TYRO3: variants seen among roughly 807,000 people sequenced by gnomAD.
The protein encoded by TYRO3 is tyrosine-protein kinase receptor TYRO3.
TYRO3 carries 38 observed loss-of-function variants against 95.2 expected under a neutral mutation model. The observed-to-expected ratio is 0.40, with a 90% CI of 0.31 to 0.52. TYRO3 has a LOEUF of 0.52. Ranked by LOEUF, TYRO3 falls within the 20% of genes least tolerant of loss-of-function variation. The pLI is 0.56. For synonymous variants in TYRO3, 367 were observed against 432.9 expected (o/e 0.85, Z 1.89); for missense variants, 812 against 1,116.4 (o/e 0.73, Z 3.89).
chr15:41,562,363 G>T, intron 3 of TYRO3, 185 bp from the exon 4 acceptor site: 2 of 417,872 alleles, frequency 4.8e-6, no homozygotes, highest in African/African-American at 2.1e-5. Context: ...AAATTCCTAA[G>T]GAGCCTGAAA....
chr15:41,560,988 T>C (rs1034598204), intron 1 of TYRO3, 139 bp from the exon 2 acceptor site: 19 of 1,054,472 alleles, frequency 1.8e-5, no homozygotes, highest in Non-Finnish European at 2.7e-5. Context: ...TTCCACACTG[T>C]CCTACCTCTG....
At position 41,578,338 on chromosome 15, in the gene TYRO3, T is replaced by A. The variant is rs2055887306; in HGVS notation, c.*62T>A. The A allele has an allele frequency of 6.3e-7, 1 of 1,598,068 alleles. No individual in the cohort carries two copies. Among genetic ancestry groups the A allele is most frequent in the African/African-American group, 1.3e-5 (1 of 74,824 alleles). On this transcript the variant is annotated 3_prime_UTR_variant, in exon 19 of 19. Transcript: ENST00000263798. ...TCTGGTGGCCACTGAGCTGGCTGAC[T>A]AAGCCCCGTCTGACCCCAGCCCAGA...
In TYRO3 at chr15:41,570,598, C is replaced by G. The variant is rs370068722; in HGVS notation, c.1484-6C>G. 3 of 1,613,864 alleles carry G rather than the reference C, an allele frequency of 1.9e-6. No homozygotes were observed. The African/African-American group carries it at 4.0e-5, about 22-fold the overall frequency. ...TCCCTCTTTCCCACAAACCCTTTCC[C>G]CACAGTGGACAGCTTGGGCATCAGC... On this transcript the variant is annotated splice_region_variant and splice_polypyrimidine_tract_variant and intron_variant, in intron 11 of 18. Coordinates refer to ENST00000263798, the MANE Select transcript of TYRO3 (RefSeq NM_006293.4).
chr15:41,562,701 C>A lies in TYRO3; in HGVS notation c.563C>A (p.Ser188Tyr). The change falls in exon 4 of 19, where the codon TCT becomes TAT. Residue 188 changes from serine to tyrosine, a missense_variant. Coordinates refer to ENST00000263798, the MANE Select transcript of TYRO3 (RefSeq NM_006293.4). ...ATCGGGGGACCCGCTCCCTCTCCAT[C>A]TGTTTTAAATGTAACAGGTGAGCAG... ...TKIGGPAPSP[S>Y]VLNVTGVTQS... 1.2e-6 allele frequency: 2 copies of A among 1,613,252 alleles called. No individual in the cohort carries two copies. Among genetic ancestry groups the A allele is most frequent in the Non-Finnish European group, 1.7e-6 (2 of 1,179,636 alleles).
At chr15:41,573,502 G>A (rs767961599) in intron 17 of TYRO3, 35 bp downstream of exon 17, 11 of 1,438,024 alleles carry the variant, frequency 7.6e-6, no homozygotes, top group East Asian at 6.9e-5. Context: ...TGGTGGGGAC[G>A]AGTGTGAGAG....
intron 3 of TYRO3, chr15:41,561,874 C>G (rs2055662614): frequency 5.0e-6 from 2 of 404,032 alleles, no homozygotes; most frequent in African/African-American, 4.2e-5. Flanking sequence ...CAGTCTGTTT[C>G]CGTTGCTTGA....
intron 18 of TYRO3, among the ~76,000 whole-genome samples, chr15:41,576,636 GTA>G (rs2055863409): frequency 7.3e-6 from 1 of 137,270 alleles, no homozygotes; most frequent in Non-Finnish European, 1.5e-5. Context: ...GCCTGATTCA[GTA>G]GGTTTCCTTT....
At chr15:41,576,139 G>T (rs1311696796) in intron 18 of TYRO3, among the ~76,000 whole-genome samples, 1 of 150,942 alleles carries the variant, frequency 6.6e-6, no homozygotes, top group Non-Finnish European at 1.5e-5. Context: ...ATTCCTGTTG[G>T]CAGGAGAGCT....
At chr15:41,572,627 A>G in intron 15 of TYRO3, 63 bp downstream of exon 15, 1 of 1,421,974 alleles carries the variant, frequency 7.0e-7, no homozygotes, top group Admixed American at 1.9e-5. Context: ...CTGGAAAGGC[A>G]TAGAGACCCT....
chr15:41,569,061 A>G, intron 9 of TYRO3, 39 bp downstream of exon 9: 7 of 1,609,602 alleles, frequency 4.3e-6, no homozygotes, highest in Non-Finnish European at 5.9e-6. Flanking sequence ...GGCTCAGGGG[A>G]TCAAGGTTTT....
At chr15:41,562,175 A>C (rs1195741728) in intron 3 of TYRO3, 3 of 187,668 alleles carry the variant, frequency 1.6e-5, no homozygotes, top group Non-Finnish European at 3.2e-5. Context: ...GCCATGCCTA[A>C]GGGGGCAGCA....
At chr15:41,577,164 G>A (rs935750683) in intron 18 of TYRO3, among the ~76,000 whole-genome samples, 1 of 152,132 alleles carries the variant, frequency 6.6e-6, no homozygotes, top group African/African-American at 2.4e-5. Context: ...TAGGGTTGTT[G>A]TGAGAAATAA....
In TYRO3 at chr15:41,578,158, C is replaced by T; in HGVS notation, c.2555C>T (p.Thr852Ile). Residue 852 changes from threonine (T) to isoleucine (I), a missense_variant, in exon 19 of 19, where the codon ACC (threonine) becomes ATC (isoleucine). Physicochemically the swap from Thr to Ile is moderately conservative, Grantham distance 89. Transcript: ENST00000263798. ...GTPSDCRYIL[T>I]PGGLAEQPGQ... is the part of the protein sequence containing the mutation. ...CCCAGTGACTGTCGGTACATACTCACCCCCGGAGGGCTGGCTGAGCAGCCA... is the reference window on the plus strand; with the variant it reads ...CCCAGTGACTGTCGGTACATACTCATCCCCGGAGGGCTGGCTGAGCAGCCA... The T allele has an allele frequency of 3.1e-6, 5 of 1,613,984 alleles. No individual in the cohort carries two copies. The highest frequency in any genetic ancestry group is 2.2e-5 in the South Asian group (2 of 91,078).
Position 41,573,367 on chromosome 15 carries a change from G to T in TYRO3, c.2045G>T (p.Ser682Ile). 4 of 1,614,244 alleles carry T rather than the reference G, an allele frequency of 2.5e-6. No homozygotes were observed. The highest frequency in any genetic ancestry group is 2.5e-6 in the Non-Finnish European group (3 of 1,180,056). ...TTCGGACTCTCCCGGAAGATCTACA[G>T]TGGGGACTACTATCGTCAAGGCTGT... is the stretch of plus-strand genomic sequence containing the variant. Reference protein sequence around the residue: ...ADFGLSRKIYSGDYYRQGCAS... With the variant: ...ADFGLSRKIYIGDYYRQGCAS... The change falls in exon 17 of 19, where the codon AGT becomes ATT. Residue 682 changes from serine to isoleucine, a missense_variant. Coordinates refer to ENST00000263798, the MANE Select transcript of TYRO3 (RefSeq NM_006293.4).
rs1053976802 is a variant in TYRO3 at position 41,561,572 on chromosome 15, G to A, written c.342G>A (p.Arg114=). 6 of 1,594,590 alleles carry A rather than the reference G, an allele frequency of 3.8e-6. No individual in the cohort carries two copies. In the African/African-American group the frequency reaches 8.0e-5, roughly 21 times the overall value. The change falls in exon 3 of 19, where the codon CGG becomes CGA. Residue 114 remains arginine (R), a synonymous_variant. Transcript: ENST00000263798. ...CAGTGGAGCGCTCTGACGCCGGCCG[G>A]TACTGGTGCCAGGTGGAGGATGGGG... ...LKSVERSDAG[R]YWCQVEDGGE...
At chr15:41,562,433 A>G in intron 3 of TYRO3, 115 bp from the exon 4 acceptor site, 3 of 1,113,246 alleles carry the variant, frequency 2.7e-6, no homozygotes, top group Non-Finnish European at 3.8e-6. Context: ...CCTAATCATA[A>G]GGGGCCTGTG....
chr15:41,562,817 G>A (rs998983135), intron 4 of TYRO3, 99 bp downstream of exon 4: 24 of 1,266,340 alleles, frequency 1.9e-5, no homozygotes, highest in East Asian at 1.3e-4. Context: ...GGTTGTGAGC[G>A]TCCAGAGCAA....
intron 18 of TYRO3, among the ~76,000 whole-genome samples, chr15:41,575,658 G>T (rs1187794442): frequency 1.3e-5 from 2 of 152,222 alleles, no homozygotes; most frequent in Non-Finnish European, 2.9e-5. Context: ...CTTGTCATGG[G>T]CATAGGCAAG....
chr15:41,564,962 C>T (rs2055703165), intron 5 of TYRO3, 64 bp from the exon 6 acceptor site: 2 of 1,112,774 alleles, frequency 1.8e-6, no homozygotes, highest in Non-Finnish European at 2.7e-6. Flanking sequence ...GGCTTGACTC[C>T]CATGCCTCCT....
Sources: allele counts gnomAD v4.1 joint callset (sites outside exome capture counted in the v4.1 genomes callset), GRCh38; gene constraint gnomAD v4.1.1; transcripts MANE v1.5; gene names NCBI Gene and HGNC (gene_info 2026-07-23, HGNC 2026-07-21).